Variants in S100PBP observed in about 807,000 individuals in gnomAD.
S100PBP encodes S100P binding protein, also known as S100P-binding protein.
In S100PBP, 15 loss-of-function variants were observed where a neutral mutation model predicts 39.9. The observed-to-expected ratio is 0.38, with a 90% confidence interval of 0.25 to 0.58. The LOEUF (loss-of-function observed/expected upper bound fraction) is 0.58, where lower values mean the gene tolerates loss of function less well. Among genes scored for constraint, S100PBP ranks in the 20% least tolerant of loss-of-function variants. S100PBP has a pLI of 0.70. For synonymous variants in S100PBP, 178 were observed against 180.3 expected, an observed-to-expected ratio of 0.99 and a Z score of 0.10; for missense variants, 504 against 487.3, an observed-to-expected ratio of 1.03 and a Z score of -0.32.
intron 5 of S100PBP, among the ~76,000 whole-genome samples, chr1:32,840,431 C>G (rs1267769607): frequency 6.6e-6 from 1 of 152,170 alleles, no homozygotes; most frequent in Non-Finnish European, 1.5e-5. Flanking sequence ...TCTTGGCTCG[C>G]TACAACCTCC....
In S100PBP at chr1:32,858,846, TAAAA is replaced by T. The variant is rs949930578; in HGVS notation, c.*2810_*2813del. 6 of 152,104 alleles carry T rather than the reference TAAAA, an allele frequency of 3.9e-5. No homozygotes were observed. Among genetic ancestry groups the T allele is most frequent in the African/African-American group, 1.4e-4 (6 of 41,392 alleles). 9.4% of individuals were successfully genotyped at this position (152,104 alleles called of 1,614,324 possible). A position where few individuals can be genotyped will look rare whatever the true frequency, so the allele number is the denominator to read the frequency against. On this transcript the variant is annotated 3_prime_UTR_variant, in exon 7 of 7. Transcript: ENST00000373475. ...TTGTAGCAGTTGTGTTTAATGTCAT[TAAAA>T]AGAAATAAAAGTTCTTTGTCAGTGA... is the stretch of plus-strand genomic sequence containing the variant.
chr1:32,852,824 G>C (rs1640666513), intron 5 of S100PBP: 1 of 412,156 alleles, frequency 2.4e-6, no homozygotes, highest in Non-Finnish European at 4.5e-6. Context: ...CTAGGGACAA[G>C]TAAAGTTCCC....
At chr1:32,854,092 G>A (rs910735860) in intron 6 of S100PBP, among the ~76,000 whole-genome samples, 3 of 151,692 alleles carry the variant, frequency 2.0e-5, no homozygotes, top group African/African-American at 7.3e-5. Flanking sequence ...CAGTTACTTT[G>A]ATTCAGATAC....
intron 5 of S100PBP, among the ~76,000 whole-genome samples, chr1:32,843,945 G>A (rs775927564): frequency 2.6e-5 from 4 of 151,344 alleles, no homozygotes; most frequent in African/African-American, 4.9e-5. Flanking sequence ...ATGGAGTCTC[G>A]CTGTGTCACC....
chr1:32,841,487 T>C (rs1275396623), intron 5 of S100PBP, among the ~76,000 whole-genome samples: 1 of 152,106 alleles, frequency 6.6e-6, no homozygotes, highest in African/African-American at 2.4e-5. Flanking sequence ...CCCGGCACTT[T>C]GGGAGGCCAA....
At chr1:32,842,581 G>A (rs1640168643) in intron 5 of S100PBP, among the ~76,000 whole-genome samples, 1 of 151,770 alleles carries the variant, frequency 6.6e-6, no homozygotes, top group African/African-American at 2.4e-5. Flanking sequence ...AAATAAAACT[G>A]AGAGAGAATT....
chr1:32,847,083 A>T (rs919395428), intron 5 of S100PBP, among the ~76,000 whole-genome samples: 9 of 152,132 alleles, frequency 5.9e-5, no homozygotes, highest in African/African-American at 2.2e-4. Context: ...CCTGGCCGTA[A>T]CAGTAAATTA....
intron 5 of S100PBP, among the ~76,000 whole-genome samples, chr1:32,844,498 A>T (rs917371612): frequency 1.3e-5 from 2 of 152,080 alleles, no homozygotes; most frequent in Non-Finnish European, 2.9e-5. Context: ...TTTTTATGAG[A>T]TGGGGTCTGG....
chr1:32,825,973 T>G (rs115751209), intron 2 of S100PBP, 125 bp from the exon 3 acceptor site: 59 of 659,058 alleles, frequency 9.0e-5, no homozygotes, highest in Non-Finnish European at 1.4e-4. Context: ...CTTAAAATTA[T>G]TTCTTATGCT....
At chr1:32,834,726 G>A (rs779193650) in intron 5 of S100PBP, 5 of 152,164 alleles carry the variant, frequency 3.3e-5, no homozygotes, top group Non-Finnish European at 7.3e-5. Context: ...TATCTGTGGG[G>A]TGATGCTTTG....
In S100PBP at chr1:32,828,080, A is replaced by G. The variant is rs752430032; in HGVS notation, c.919A>G (p.Arg307Gly). ...CATTCCTGTTCTACAAACTAAGACC[A>G]GGTAATGTAAAGTATAATTAAATAT... is the stretch of plus-strand genomic sequence containing the variant. ...KVIPVLQTKT[R>G]TNVPTFSQSN... is the part of the protein sequence containing the mutation. The change falls in exon 4 of 7, where the codon AGG becomes GGG. Residue 307 changes from arginine (R) to glycine (G), a missense_variant and splice_region_variant. Coordinates refer to ENST00000373475, the MANE Select transcript of S100PBP (RefSeq NM_022753.4). 4 of 1,566,898 alleles carry G rather than the reference A, an allele frequency of 2.6e-6. No homozygotes were observed. The highest frequency in any genetic ancestry group is 3.5e-6 in the Non-Finnish European group (4 of 1,138,570).
In S100PBP at chr1:32,836,457, T is replaced by G. The variant is rs533922048; in HGVS notation, c.1024+6390T>G. 4 of 813,862 alleles carry G rather than the reference T, an allele frequency of 4.9e-6. No individual in the cohort carries two copies. In the Admixed American group the frequency reaches 2.5e-4, roughly 51 times the overall value. 50.4% of individuals were successfully genotyped at this position (813,862 alleles called of 1,614,324 possible). A position where few individuals can be genotyped will look rare whatever the true frequency, so the allele number is the denominator to read the frequency against. On this transcript the variant is annotated intron_variant, in intron 5 of 6. Transcript: ENST00000373475. ...TGTGTTTTTGTTTTTGTTTGTTTTT[T>G]TTTATAGTAGCTATCCTAAAGGGTG...
intron 1 of S100PBP, among the ~76,000 whole-genome samples, chr1:32,824,555 GT>G (rs1639235398): frequency 6.6e-6 from 1 of 150,740 alleles, no homozygotes; most frequent in African/African-American, 2.4e-5. Flanking sequence ...ATCAATTTTT[GT>G]TTGTATCTTT....
At chr1:32,833,084 G>A (rs905087306) in intron 5 of S100PBP, among the ~76,000 whole-genome samples, 1 of 151,966 alleles carries the variant, frequency 6.6e-6, no homozygotes, top group Admixed American at 6.6e-5. Context: ...AGTACTTAAA[G>A]TAGAAAAGGA....
At chr1:32,828,410 G>A (rs1639435768) in intron 4 of S100PBP, among the ~76,000 whole-genome samples, 1 of 152,020 alleles carries the variant, frequency 6.6e-6, no homozygotes, top group Non-Finnish European at 1.5e-5. Flanking sequence ...TATGATAAGA[G>A]GTTAGAATAA....
At chr1:32,831,117 A>C (rs1385070503) in intron 5 of S100PBP, among the ~76,000 whole-genome samples, 1 of 151,988 alleles carries the variant, frequency 6.6e-6, no homozygotes, top group African/African-American at 2.4e-5. Flanking sequence ...TGTCATCTTC[A>C]TTCATTCAGC....
chr1:32,828,186 C>T, intron 4 of S100PBP, 105 bp downstream of exon 4: 2 of 651,064 alleles, frequency 3.1e-6, no homozygotes, highest in East Asian at 3.0e-5. Context: ...ATCCCTACTC[C>T]AGGAGTAAGC....
At position 32,858,282 on chromosome 1, in the gene S100PBP, G is replaced by A. The variant is rs1467962938; in HGVS notation, c.*2244G>A. 1 of 152,610 alleles carries A rather than the reference G, an allele frequency of 6.6e-6. No individual in the cohort carries two copies. The highest frequency in any genetic ancestry group is 1.5e-5 in the Non-Finnish European group (1 of 68,034). 9.5% of individuals were successfully genotyped at this position (152,610 alleles called of 1,614,324 possible). ...GCACTGCCTTTGCCAAATCAAATGAGTGACAGGTTAACTAGAAAATGTGAC... is the reference window on the plus strand; with the variant it reads ...GCACTGCCTTTGCCAAATCAAATGAATGACAGGTTAACTAGAAAATGTGAC... On this transcript the variant is annotated 3_prime_UTR_variant, in exon 7 of 7. Transcript: ENST00000373475.
chr1:32,845,607 C>G (rs1640331192), intron 5 of S100PBP, among the ~76,000 whole-genome samples: 1 of 151,704 alleles, frequency 6.6e-6, no homozygotes, highest in African/African-American at 2.4e-5. Context: ...TCTATTTTCT[C>G]TAAGCATTTT....
Sources: allele counts gnomAD v4.1 joint callset (sites outside exome capture counted in the v4.1 genomes callset), GRCh38; gene constraint gnomAD v4.1.1; transcripts MANE v1.5; gene names NCBI Gene and HGNC (gene_info 2026-07-23, HGNC 2026-07-21).